PRRX1: variants seen among roughly 807,000 people sequenced by gnomAD.
The protein encoded by PRRX1 is paired related homeobox 1.
PRRX1 carries 8 observed loss-of-function variants against 24.0 expected under a neutral mutation model. The observed-to-expected ratio is 0.33, with a 90% CI of 0.20 to 0.60. PRRX1 has a LOEUF of 0.60. PRRX1 is among the 20% of genes least tolerant of loss of function. PRRX1 has a pLI of 0.82. For synonymous variants in PRRX1, 160 were observed against 131.7 expected (o/e 1.22, Z -1.47); for missense variants, 281 against 322.4 (o/e 0.87, Z 0.98).
intron 1 of PRRX1, among the ~76,000 whole-genome samples, chr1:170,684,297 T>C (rs1447588613): frequency 6.6e-6 from 1 of 152,242 alleles, no homozygotes; most frequent in Non-Finnish European, 1.5e-5. Context: ...ACAGACATTT[T>C]ATCTCAGAAA....
chr1:170,691,484 TCC>T (rs1491149768), intron 1 of PRRX1, among the ~76,000 whole-genome samples: 14 of 140,180 alleles, frequency 1.0e-4, no homozygotes, highest in African/African-American at 3.6e-4. Context: ...TCCTTTCCTT[TCC>T]TTTCCTTTCC....
chr1:170,678,064 T>C (rs1343764874), intron 1 of PRRX1, among the ~76,000 whole-genome samples: 1 of 152,188 alleles, frequency 6.6e-6, no homozygotes, highest in Admixed American at 6.5e-5. Context: ...TTTCTGTGGG[T>C]TTACTTAACT....
chr1:170,680,945 G>A (rs1653484644), intron 1 of PRRX1, among the ~76,000 whole-genome samples: 2 of 152,208 alleles, frequency 1.3e-5, no homozygotes, highest in East Asian at 1.9e-4. Flanking sequence ...TATGTAAAAT[G>A]TATCAATGAA....
intron 1 of PRRX1, among the ~76,000 whole-genome samples, chr1:170,686,179 C>CA (rs397754426): frequency 0.33 from 35,179 of 105,114 alleles, 5,232 homozygotes; most frequent in Admixed American, 0.42. Context: ...GTTAAGGGTA[C>CA]AAAAAAAAAA....
chr1:170,698,958 A>C (rs764594388), intron 1 of PRRX1, among the ~76,000 whole-genome samples: 2 of 152,214 alleles, frequency 1.3e-5, no homozygotes, highest in Non-Finnish European at 2.9e-5. Flanking sequence ...CAAGACTGTT[A>C]TCCTGTGTGC....
chr1:170,722,766 G>T (rs1655130729), intron 2 of PRRX1: 1 of 152,176 alleles, frequency 6.6e-6, no homozygotes, highest in African/African-American at 2.4e-5. Context: ...TAGCCAGTAT[G>T]ACTTTTAAGT....
chr1:170,729,947 C>T (rs1655375185), intron 3 of PRRX1, among the ~76,000 whole-genome samples: 2 of 152,152 alleles, frequency 1.3e-5, no homozygotes, highest in Non-Finnish European at 2.9e-5. Context: ...TTGCTTCGTG[C>T]TTCGTGGGTA....
In PRRX1 at chr1:170,725,728, A is replaced by G. The variant is rs868075081; in HGVS notation, c.418-492A>G. The stretch of plus-strand genomic sequence containing the variant: ...GGTCTTTGCACCTCCCAAATAAAAC[A>G]TTTCCTTCTTAAATCTTTGTTGGAA... On this transcript the variant is annotated intron_variant, in intron 2 of 3. Transcript: ENST00000239461. Among the ~76,000 whole-genome samples, 5 of 152,260 alleles carry G rather than the reference A, an allele frequency of 3.3e-5. No homozygotes were observed. The South Asian group carries it at 8.3e-4, about 25-fold the overall frequency.
At chr1:170,697,333 T>C (rs1654203907) in intron 1 of PRRX1, among the ~76,000 whole-genome samples, 1 of 152,226 alleles carries the variant, frequency 6.6e-6, no homozygotes, top group South Asian at 2.1e-4. Context: ...AGGGTTATAA[T>C]ATTGCATGTG....
chr1:170,723,473 T>C (rs1655157347), intron 2 of PRRX1, among the ~76,000 whole-genome samples: 1 of 149,522 alleles, frequency 6.7e-6, no homozygotes, highest in East Asian at 1.9e-4. Context: ...TCTCTCTCTT[T>C]CCAGCATTTA....
intron 1 of PRRX1, among the ~76,000 whole-genome samples, chr1:170,682,965 A>G (rs1197942189): frequency 2.0e-5 from 3 of 152,186 alleles, no homozygotes; most frequent in Non-Finnish European, 4.4e-5. Context: ...TTTATAGCCA[A>G]GGAACAGAAA....
At chr1:170,706,067 CTTG>C (rs1038941759) in intron 1 of PRRX1, among the ~76,000 whole-genome samples, 1 of 152,064 alleles carries the variant, frequency 6.6e-6, no homozygotes, top group Admixed American at 6.6e-5. Context: ...TCTTTGGTCT[CTTG>C]TTAAGTATTT....
intron 1 of PRRX1, among the ~76,000 whole-genome samples, chr1:170,715,263 T>C (rs1163669590): frequency 6.6e-6 from 1 of 152,214 alleles, no homozygotes; most frequent in Non-Finnish European, 1.5e-5. Context: ...TTTAAAACTT[T>C]AAATAAATCA....
intron 1 of PRRX1, among the ~76,000 whole-genome samples, chr1:170,691,485 C>CCTTTCCTTT (rs1491418471): frequency 6.8e-6 from 1 of 146,894 alleles, no homozygotes; most frequent in Non-Finnish European, 1.5e-5. Flanking sequence ...CCTTTCCTTT[C>CCTTTCCTTT]CTTTCCTTTC....
At chr1:170,667,342 GGCCTT>G (rs2101881728) in intron 1 of PRRX1, 1 of 142,394 alleles carries the variant, frequency 7.0e-6, no homozygotes, top group African/African-American at 2.6e-5. Flanking sequence ...ACACACTCCA[GGCCTT>G]GCTTCCTAGA....
intron 1 of PRRX1, 120 bp downstream of exon 1, chr1:170,664,579 AT>A (rs1294820209): frequency 6.4e-6 from 9 of 1,414,584 alleles, no homozygotes; most frequent in Non-Finnish European, 7.5e-6. Context: ...AGGAGAGGTG[AT>A]GGCAGACTTC....
chr1:170,674,011 G>A (rs1653224805), intron 1 of PRRX1, among the ~76,000 whole-genome samples: 1 of 152,198 alleles, frequency 6.6e-6, no homozygotes, highest in Non-Finnish European at 1.5e-5. Flanking sequence ...ATTTCCAAAT[G>A]ACAAATGCTA....
intron 1 of PRRX1, among the ~76,000 whole-genome samples, chr1:170,673,415 G>A (rs147443723): frequency 1.3e-5 from 2 of 152,276 alleles, no homozygotes; most frequent in East Asian, 3.9e-4. Flanking sequence ...GTGAGAGAAT[G>A]AGCTCTCCAT....
chr1:170,715,464 T>A (rs1372791832), intron 1 of PRRX1, among the ~76,000 whole-genome samples: 1 of 152,168 alleles, frequency 6.6e-6, no homozygotes, highest in East Asian at 1.9e-4. Flanking sequence ...GATAATATAC[T>A]AATATATGTA....
Sources: gnomAD v4.1 joint callset for allele counts (sites outside exome capture counted in the v4.1 genomes callset) on GRCh38, gnomAD v4.1.1 for gene constraint, MANE v1.5 for transcripts, NCBI Gene and HGNC (gene_info 2026-07-23, HGNC 2026-07-21) for gene names.